ING3: variants seen among roughly 807,000 people sequenced by gnomAD.
ING3 encodes the protein inhibitor of growth family member 3, also known as inhibitor of growth protein 3.
ING3 carries 6 observed loss-of-function variants against 64.8 expected under a neutral mutation model. The observed-to-expected ratio is 0.09, with a 90% CI of 0.05 to 0.18. ING3 has a LOEUF of 0.18. Ranked by LOEUF, ING3 falls within the 10% of genes least tolerant of loss-of-function variation. The probability of loss-of-function intolerance (pLI) is 1.00; values close to 1 mark genes in which losing one functional copy is unlikely to be tolerated. For synonymous variants in ING3, 170 were observed against 173.7 expected (o/e 0.98, Z 0.17); for missense variants, 310 against 489.7 (o/e 0.63, Z 3.46).
At chr7:120,970,558 A>C in intron 9 of ING3, 130 bp from the exon 10 acceptor site, 2 of 886,216 alleles carry the variant, frequency 2.3e-6, no homozygotes, top group Non-Finnish European at 3.4e-6. Flanking sequence ...TCATTGGTAA[A>C]TCCGGATTAC....
intron 4 of ING3, among the ~76,000 whole-genome samples, chr7:120,957,665 G>C (rs766566248): frequency 6.6e-6 from 1 of 152,184 alleles, no homozygotes; most frequent in East Asian, 1.9e-4. Flanking sequence ...TTCACTCAGA[G>C]ATAATGGCAT....
Position 120,951,250 on chromosome 7 carries a change from C to G in ING3, c.100+15C>G, listed in dbSNP as rs200539948. ...GCAGGTGCAGAGTAAGTCGGCGCGT[C>G]TACTACTCCTGTTCGCTGCGCGCGT... On this transcript the variant is annotated intron_variant, in intron 2 of 11. Transcript: ENST00000315870. 9.1e-4 allele frequency: 1,464 copies of G among 1,613,370 alleles called. No individual in the cohort carries two copies. Among genetic ancestry groups the G allele is most frequent in the Non-Finnish European group, 1.2e-3 (1,400 of 1,179,340 alleles).
intron 7 of ING3, 70 bp from the exon 8 acceptor site, chr7:120,967,864 T>C: frequency 6.8e-7 from 1 of 1,477,306 alleles, no homozygotes; most frequent in Non-Finnish European, 9.3e-7. Context: ...TGCTGGGAAA[T>C]AATGTAATTT....
At chr7:120,952,956 G>C (rs1472933013) in intron 2 of ING3, among the ~76,000 whole-genome samples, 1 of 151,886 alleles carries the variant, frequency 6.6e-6, no homozygotes, top group Non-Finnish European at 1.5e-5. Context: ...ATTATCTAAT[G>C]GTGTTTTAAT....
Position 120,951,085 on chromosome 7 carries a change from C to G in ING3, c.29-79C>G. 18 of 1,558,322 alleles carry G rather than the reference C, an allele frequency of 1.2e-5. No homozygotes were observed. In the South Asian group the frequency reaches 1.8e-4, roughly 15 times the overall value. On this transcript the variant is annotated intron_variant, in intron 1 of 11. Transcript: ENST00000315870. ...TGTGGGCTGCCGGCCCCCTCGACCC[C>G]CCTGACGCACGCGCGCAGTGACGTA... is the stretch of plus-strand genomic sequence containing the variant.
At chr7:120,958,363 T>A (rs959085677) in intron 4 of ING3, among the ~76,000 whole-genome samples, 2 of 152,204 alleles carry the variant, frequency 1.3e-5, no homozygotes, top group Non-Finnish European at 2.9e-5. Context: ...CACTATAATT[T>A]AATGGCTTCT....
At chr7:120,964,885 CA>C in intron 5 of ING3, 47 bp downstream of exon 5, 1 of 1,455,398 alleles carries the variant, frequency 6.9e-7, no homozygotes, top group South Asian at 1.1e-5. Flanking sequence ...AGTACATGTG[CA>C]AATCGCTGAG....
chr7:120,974,128 A>G (rs1796105571), intron 11 of ING3, among the ~76,000 whole-genome samples: 2 of 152,150 alleles, frequency 1.3e-5, no homozygotes, highest in Admixed American at 1.3e-4. Flanking sequence ...AAAATGATGA[A>G]TGAGATTTCT....
intron 2 of ING3, among the ~76,000 whole-genome samples, chr7:120,951,559 A>G (rs1795766116): frequency 6.6e-6 from 1 of 152,218 alleles, no homozygotes; most frequent in East Asian, 1.9e-4. Flanking sequence ...AAATGTTGAG[A>G]TGTCGTCTTG....
At chr7:120,958,182 T>A (rs748780537) in intron 4 of ING3, among the ~76,000 whole-genome samples, 3 of 151,836 alleles carry the variant, frequency 2.0e-5, no homozygotes, top group Non-Finnish European at 4.4e-5. Context: ...CCCCCACCTT[T>A]GCTCTACCCT....
intron 5 of ING3, among the ~76,000 whole-genome samples, chr7:120,965,282 A>G (rs1291016672): frequency 6.6e-6 from 1 of 152,180 alleles, no homozygotes; most frequent in Non-Finnish European, 1.5e-5. Flanking sequence ...CATTGGTTTC[A>G]TAACACTACC....
intron 6 of ING3, among the ~76,000 whole-genome samples, chr7:120,966,905 A>G (rs1054436703): frequency 2.0e-5 from 3 of 152,128 alleles, no homozygotes; most frequent in African/African-American, 7.2e-5. Context: ...TTAAATGCGT[A>G]GAAGGAGAAT....
chr7:120,951,350 G>A (rs888024330), intron 2 of ING3, 115 bp downstream of exon 2: 3 of 928,578 alleles, frequency 3.2e-6, no homozygotes, highest in African/African-American at 1.6e-5. Context: ...CTCCGCTAGT[G>A]CATAAGGAGT....
rs1437449531 is a variant in ING3 at position 120,976,352 on chromosome 7, G to A, written c.*1508G>A. The A allele has an allele frequency of 6.6e-6, 1 of 152,074 alleles. No individual in the cohort carries two copies. Among genetic ancestry groups the A allele is most frequent in the African/African-American group, 2.4e-5 (1 of 41,424 alleles). 9.4% of individuals were successfully genotyped at this position (152,074 alleles called of 1,614,324 possible). On this transcript the variant is annotated 3_prime_UTR_variant, in exon 12 of 12. Coordinates refer to ENST00000315870, the MANE Select transcript of ING3 (RefSeq NM_019071.3). ...AAATCTATGCAGTGCTACCCAAAGG[G>A]TGTGAGGTAGATAGGGGATTTCAAA...
intron 3 of ING3, among the ~76,000 whole-genome samples, chr7:120,953,648 G>C (rs1321020307): frequency 1.3e-5 from 2 of 152,116 alleles, no homozygotes; most frequent in African/African-American, 4.8e-5. Context: ...CCATTTAAAA[G>C]TTACTTTTTT....
At position 120,968,134 on chromosome 7, in the gene ING3, G is replaced by A. The variant is rs768167163; in HGVS notation, c.714+43G>A. The stretch of plus-strand genomic sequence containing the variant: ...TAGAGACAAAATGTTACATTTTGTC[G>A]GAATCATTGGAAACCTAATAGAAAT... On this transcript the variant is annotated intron_variant, in intron 8 of 11. Transcript: ENST00000315870. The A allele has an allele frequency of 2.4e-5, 36 of 1,517,270 alleles. 1 individual carries two copies. The highest frequency in any genetic ancestry group is 8.7e-5 in the South Asian group (7 of 80,132). The allele number at this position is 1,517,270 out of a possible 1,614,324, so 94.0% of individuals were successfully genotyped here. A position where few individuals can be genotyped will look rare whatever the true frequency, so the allele number is the denominator to read the frequency against.
At chr7:120,963,005 A>G (rs1440346836) in intron 4 of ING3, among the ~76,000 whole-genome samples, 3 of 152,106 alleles carry the variant, frequency 2.0e-5, no homozygotes, top group Admixed American at 6.5e-5. Context: ...TAATAGCTCA[A>G]TATTTATTAT....
At chr7:120,965,179 T>G (rs535168973) in intron 5 of ING3, among the ~76,000 whole-genome samples, 3 of 152,340 alleles carry the variant, frequency 2.0e-5, no homozygotes, top group South Asian at 4.1e-4. Flanking sequence ...CTCTGCCTCT[T>G]TATACACTTA....
rs540289134 is a variant in ING3, at chr7:120,951,397, C to G, written c.100+162C>G. Among the ~76,000 whole-genome samples the G allele has an allele frequency of 7.2e-5, 11 of 152,288 alleles. No individual in the cohort carries two copies. In the South Asian group the frequency reaches 2.3e-3, roughly 32 times the overall value. On this transcript the variant is annotated intron_variant, in intron 2 of 11. Coordinates refer to ENST00000315870, the MANE Select transcript of ING3 (RefSeq NM_019071.3). ...ACTGGCAGCCCTGAATCTCGCCTTC[C>G]CCTTCCCTCCCATGCTACTTTTTTC...
Sources: gnomAD v4.1 joint callset for allele counts (sites outside exome capture counted in the v4.1 genomes callset) on GRCh38, gnomAD v4.1.1 for gene constraint, MANE v1.5 for transcripts, NCBI Gene and HGNC (gene_info 2026-07-23, HGNC 2026-07-21) for gene names.